The following HNF4G variants were observed in gnomAD, a reference collection of about 807,000 sequenced individuals.
HNF4G encodes the protein hepatocyte nuclear factor 4-gamma.
In HNF4G, 21 loss-of-function variants were observed where a neutral mutation model predicts 50.9. The observed-to-expected ratio is 0.41, with a 90% CI of 0.29 to 0.59. The LOEUF (loss-of-function observed/expected upper bound fraction) is 0.59. Among genes scored for constraint, HNF4G ranks in the 20% least tolerant of loss-of-function variants. The pLI, the probability that HNF4G is intolerant of heterozygous loss-of-function variation, is 0.26. For missense variants in HNF4G, 527 were observed against 559.4 expected, an observed-to-expected ratio of 0.94 and a Z score of 0.58; for synonymous variants, 198 against 185.6, an observed-to-expected ratio of 1.07 and a Z score of -0.54.
Position 75,564,802 on chromosome 8 carries a change from T to C in HNF4G, c.*706T>C, listed in dbSNP as rs1807414653. The stretch of plus-strand genomic sequence containing the variant: ...GGGTGAACTGTAACAAAGAAACCCC[T>C]AAAACAGTGACTAAATCAAGAGAGG... On this transcript the variant is annotated 3_prime_UTR_variant, in exon 10 of 10. Transcript: ENST00000396423. 1.3e-5 allele frequency: 2 copies of C among 152,226 alleles called. No homozygotes were observed. The highest frequency in any genetic ancestry group is 6.5e-5 in the Admixed American group (1 of 15,276). 9.4% of individuals were successfully genotyped at this position (152,226 alleles called of 1,614,324 possible). A position where few individuals can be genotyped will look rare whatever the true frequency, so the allele number is the denominator to read the frequency against.
intron 1 of HNF4G, among the ~76,000 whole-genome samples, chr8:75,476,746 G>A (rs1585877671): frequency 6.6e-6 from 1 of 152,146 alleles, no homozygotes; most frequent in African/African-American, 2.4e-5. Flanking sequence ...AGAAAGAGGG[G>A]CGGGGCAGGG....
At chr8:75,534,892 C>CTCT (rs1414768465), upstream of HNF4G, among the ~76,000 whole-genome samples, 1 of 151,598 alleles carries the variant, frequency 6.6e-6, no homozygotes, top group Non-Finnish European at 1.5e-5. Context: ...GTAAGCAAAG[C>CTCT]TATAGAAGTT....
chr8:75,483,330 T>C (rs1812423375), intron 1 of HNF4G, among the ~76,000 whole-genome samples: 1 of 152,190 alleles, frequency 6.6e-6, no homozygotes. Context: ...ATGTAATTCC[T>C]TAAGTGGTTT....
chr8:75,471,049 T>A (rs758288876), intron 1 of HNF4G, among the ~76,000 whole-genome samples: 6 of 152,184 alleles, frequency 3.9e-5, no homozygotes, highest in Non-Finnish European at 5.9e-5. Flanking sequence ...GTTTGGATGA[T>A]CTTCCTGATA....
intron 2 of HNF4G, among the ~76,000 whole-genome samples, chr8:75,530,230 C>A (rs746525017): frequency 1.3e-5 from 2 of 152,152 alleles, no homozygotes; most frequent in African/African-American, 4.8e-5. Context: ...ATCCTTGATC[C>A]TCAGGGCACC....
chr8:75,477,823 C>T (rs1964528), intron 1 of HNF4G, among the ~76,000 whole-genome samples: 24,493 of 151,820 alleles, frequency 0.16, 2,282 homozygotes, highest in African/African-American at 0.25. Context: ...CAAAATTAGT[C>T]GGATGTGGTG....
chr8:75,414,662 G>T (rs931713906), intron 1 of HNF4G, among the ~76,000 whole-genome samples: 2 of 152,114 alleles, frequency 1.3e-5, no homozygotes, highest in African/African-American at 4.8e-5. Context: ...TTTTGTGTCT[G>T]GCATATTTCA....
intron 2 of HNF4G, among the ~76,000 whole-genome samples, chr8:75,501,998 G>A (rs1040776527): frequency 2.6e-5 from 4 of 151,902 alleles, no homozygotes; most frequent in South Asian, 2.1e-4. Context: ...TACTACAGGC[G>A]TGCACCACCA....
chr8:75,441,904 A>C (rs552858445), intron 1 of HNF4G, among the ~76,000 whole-genome samples: 1 of 152,314 alleles, frequency 6.6e-6, no homozygotes, highest in Non-Finnish European at 1.5e-5. Context: ...AAACATCCCA[A>C]ATGTCCATTT....
At chr8:75,487,702 C>T (rs556205398) in intron 1 of HNF4G, among the ~76,000 whole-genome samples, 1 of 152,260 alleles carries the variant, frequency 6.6e-6, no homozygotes, top group African/African-American at 2.4e-5. Context: ...AATTTCTTTT[C>T]TCACTTGTTC....
chr8:75,453,274 G>A lies in HNF4G; in HGVS notation c.-143-36815G>A, dbSNP rs57307486. Among the ~76,000 whole-genome samples the A allele has an allele frequency of 2.8e-3, 421 of 152,312 alleles. 3 individuals carry two copies. Among genetic ancestry groups the A allele is most frequent in the African/African-American group, 9.5e-3 (393 of 41,568 alleles). ...TGGAGAACTTTTCTGTCTAGCAAGA[G>A]GTTTGTAAAATGCACCAATCAGTGC... is the stretch of plus-strand genomic sequence containing the variant. On this transcript the variant is annotated intron_variant, in intron 1 of 10. Coordinates refer to the HNF4G transcript ENST00000354370.
At chr8:75,525,170 T>C (rs756532996) in intron 2 of HNF4G, among the ~76,000 whole-genome samples, 26 of 152,210 alleles carry the variant, frequency 1.7e-4, no homozygotes, top group Non-Finnish European at 2.9e-4. Context: ...CTTTCCAACA[T>C]CTTTTCTGAT....
At chr8:75,471,280 G>C (rs1005830323) in intron 1 of HNF4G, among the ~76,000 whole-genome samples, 1 of 152,070 alleles carries the variant, frequency 6.6e-6, no homozygotes, top group African/African-American at 2.4e-5. Context: ...AGAAAAGCAG[G>C]CATATGTAAC....
intron 1 of HNF4G, among the ~76,000 whole-genome samples, chr8:75,450,245 G>A (rs1046249368): frequency 6.6e-6 from 1 of 152,132 alleles, no homozygotes; most frequent in African/African-American, 2.4e-5. Context: ...TTCTTTATCT[G>A]CTCATTGATT....
intron 2 of HNF4G, among the ~76,000 whole-genome samples, chr8:75,521,659 T>C (rs1028239064): frequency 2.6e-5 from 4 of 152,216 alleles, no homozygotes; most frequent in African/African-American, 9.6e-5. Flanking sequence ...AGAAAACTAA[T>C]TTGATACCAT....
intron 2 of HNF4G, among the ~76,000 whole-genome samples, chr8:75,503,389 C>T (rs919347818): frequency 6.6e-6 from 1 of 152,032 alleles, no homozygotes; most frequent in African/African-American, 2.4e-5. Context: ...TTAATTAATG[C>T]CATATTATTT....
chr8:75,511,678 C>T (rs530325925), intron 2 of HNF4G, among the ~76,000 whole-genome samples: 17 of 152,338 alleles, frequency 1.1e-4, no homozygotes, highest in African/African-American at 3.8e-4. Context: ...GCAAGCTCTG[C>T]CTCCCGGGTT....
rs1264940780 is a variant in HNF4G at position 75,525,351 on chromosome 8, G to C, written c.-23-18460G>C. Among the ~76,000 whole-genome samples, 8 of 152,102 alleles carry C rather than the reference G, an allele frequency of 5.3e-5. 1 individual carries two copies. Among genetic ancestry groups the C allele is most frequent in the Admixed American group, 5.2e-4 (8 of 15,270 alleles). On this transcript the variant is annotated intron_variant, in intron 2 of 10. Transcript: ENST00000354370. ...GCCCGGCTAATTTTTTGTATTTTTA[G>C]TGGAGATGGGGTTTCACCGCGTTAG...
intron 2 of HNF4G, among the ~76,000 whole-genome samples, chr8:75,545,347 T>C (rs1806745050): frequency 6.6e-6 from 1 of 151,926 alleles, no homozygotes; most frequent in African/African-American, 2.4e-5. Flanking sequence ...AGGACTTCTG[T>C]CCTTTCTTTA....
Sources: allele counts gnomAD v4.1 joint callset (sites outside exome capture counted in the v4.1 genomes callset), GRCh38; gene constraint gnomAD v4.1.1; transcripts MANE v1.5; gene names NCBI Gene and HGNC (gene_info 2026-07-23, HGNC 2026-07-21).